Variants in SMIM10L2B observed in about 807,000 individuals in gnomAD.
SMIM10L2B encodes the protein small integral membrane protein 10 like 2B.
For synonymous variants in SMIM10L2B, 28 were observed against 30.0 expected (o/e 0.93, Z 0.22); for missense variants, 40 against 58.7 (o/e 0.68, Z 1.04).
At chrX:135,097,181 T>G (rs1396549624) in intron 1 of SMIM10L2B, 60 bp from the exon 2 acceptor site, 8 of 113,492 alleles carry the variant, frequency 7.0e-5, no homozygotes, top group Non-Finnish European at 1.5e-4. Context: ...ACGTCCTTGC[T>G]TCCCCCAGGA....
rs782113871 is a variant in SMIM10L2B at position 135,096,104 on chromosome X, C to G, written c.*1382G>C. On this transcript the variant is annotated 3_prime_UTR_variant, in exon 2 of 2. Coordinates refer to ENST00000433425, the MANE Select transcript of SMIM10L2B (RefSeq NM_001348255.2). Reference sequence around the variant, plus strand: ...TCCCAGGAACTGAGAATGTGGCCCTCAGGGTACCAGTGCAAGAGATGCGGA... The same window carrying G: ...TCCCAGGAACTGAGAATGTGGCCCTGAGGGTACCAGTGCAAGAGATGCGGA... 1 of 111,447 alleles carries G rather than the reference C, an allele frequency of 9.0e-6. No individual in the cohort carries two copies. Among genetic ancestry groups the G allele is most frequent in the Non-Finnish European group, 1.9e-5 (1 of 53,083 alleles). 9.2% of individuals were successfully genotyped at this position (111,447 alleles called of 1,213,427 possible).
rs782767035 is a variant in SMIM10L2B at position 135,098,047 on chromosome X, C to G, written c.*350G>C. 1 of 128,544 alleles carries G rather than the reference C, an allele frequency of 7.8e-6. No individual in the cohort carries two copies. The highest frequency in any genetic ancestry group is 3.2e-5 in the African/African-American group (1 of 31,641). The allele number at this position is 128,544 out of a possible 1,213,427, so 10.6% of individuals were successfully genotyped here. A position where few individuals can be genotyped will look rare whatever the true frequency, so the allele number is the denominator to read the frequency against. The stretch of plus-strand genomic sequence containing the variant: ...TCGCCTCCTACCTTTCTGCTCGGGG[C>G]GGGGAAAGTCAAGTCGCCGCAGCAG... On this transcript the variant is annotated 3_prime_UTR_variant, in exon 1 of 2. Transcript: ENST00000433425.
In SMIM10L2B at chrX:135,098,413, T is replaced by G; in HGVS notation, c.221A>C (p.Gln74Pro). 1 of 727,492 alleles carries G rather than the reference T, an allele frequency of 1.4e-6. No homozygotes were observed. The highest frequency in any genetic ancestry group is 1.9e-6 in the Non-Finnish European group (1 of 526,804). The allele number at this position is 727,492 out of a possible 1,213,427, so 60.0% of individuals were successfully genotyped here. The change falls in exon 1 of 2, where the codon CAA becomes CCA. Residue 74 changes from glutamine to proline, a missense_variant. Gln to Pro is a moderately conservative substitution (Grantham distance 76). Transcript: ENST00000433425. ...VASVMLNVRL[Q>P]VRIE ...CGCCGGCGCTCACTCGATCCGCACT[T>G]GCAGGCGGACGTTGAGCATCACCGA...
At position 135,095,581 on chromosome X, in the gene SMIM10L2B, A is replaced by G. The variant is rs2083444228; in HGVS notation, c.*1905T>C. On this transcript the variant is annotated 3_prime_UTR_variant, in exon 2 of 2. Coordinates refer to ENST00000433425, the MANE Select transcript of SMIM10L2B (RefSeq NM_001348255.2). ...CACCCCCCACTGTATCACACATGCA[A>G]TCAGCAAAGAACTTTCCTCCACCCT... 9.0e-6 allele frequency: 1 copy of G among 111,549 alleles called. No individual in the cohort carries two copies. The highest frequency in any genetic ancestry group is 2.8e-4 in the East Asian group (1 of 3,522). 9.2% of individuals were successfully genotyped at this position (111,549 alleles called of 1,213,427 possible).
rs1344350968 is a variant in SMIM10L2B, at chrX:135,096,765, A to C, written c.*721T>G. 9.0e-6 allele frequency: 1 copy of C among 111,451 alleles called. No homozygotes were observed. The highest frequency in any genetic ancestry group is 2.9e-4 in the East Asian group (1 of 3,505). The allele number at this position is 111,451 out of a possible 1,213,427, so 9.2% of individuals were successfully genotyped here. A position where few individuals can be genotyped will look rare whatever the true frequency, so the allele number is the denominator to read the frequency against. ...AGCCTGCAGGCCCAGGGGCACACGC[A>C]GTTCCTCCTCATCCTATCTGCATGT... On this transcript the variant is annotated 3_prime_UTR_variant, in exon 2 of 2. Transcript: ENST00000433425.
Position 135,098,328 on chromosome X carries a change from G to A in SMIM10L2B, c.*69C>T, listed in dbSNP as rs2083455535. On this transcript the variant is annotated 3_prime_UTR_variant, in exon 1 of 2. Coordinates refer to ENST00000433425, the MANE Select transcript of SMIM10L2B (RefSeq NM_001348255.2). ...CAGCTGTCCTTCATGCCCGCGACCCGGCCGGGGGCGGGCGGGGACACTGTC... is the reference window on the plus strand; with the variant it reads ...CAGCTGTCCTTCATGCCCGCGACCCAGCCGGGGGCGGGCGGGGACACTGTC... The A allele has an allele frequency of 6.6e-6, 2 of 302,495 alleles. No homozygotes were observed. The highest frequency in any genetic ancestry group is 1.3e-4 in the Admixed American group (2 of 15,604). The allele number at this position is 302,495 out of a possible 1,213,427, so 24.9% of individuals were successfully genotyped here. A position where few individuals can be genotyped will look rare whatever the true frequency, so the allele number is the denominator to read the frequency against.
rs2083444803 is a variant in SMIM10L2B, at chrX:135,095,783, G to C, written c.*1703C>G. 8.9e-6 allele frequency: 1 copy of C among 112,135 alleles called. No homozygotes were observed. The highest frequency in any genetic ancestry group is 1.9e-5 in the Non-Finnish European group (1 of 53,231). 9.2% of individuals were successfully genotyped at this position (112,135 alleles called of 1,213,427 possible). On this transcript the variant is annotated 3_prime_UTR_variant, in exon 2 of 2. Transcript: ENST00000433425. ...GCTGCCCCCAGAGATCTGTTGGGGG[G>C]ACCAGCAGGCTGACAGGCCCCCAGA...
chrX:135,096,223 C>G lies in SMIM10L2B; in HGVS notation c.*1263G>C, dbSNP rs1401708889. 1 of 110,897 alleles carries G rather than the reference C, an allele frequency of 9.0e-6. No individual in the cohort carries two copies. The highest frequency in any genetic ancestry group is 3.8e-4 in the South Asian group (1 of 2,606). The allele number at this position is 110,897 out of a possible 1,213,427, so 9.1% of individuals were successfully genotyped here. A position where few individuals can be genotyped will look rare whatever the true frequency, so the allele number is the denominator to read the frequency against. On this transcript the variant is annotated 3_prime_UTR_variant, in exon 2 of 2. Coordinates refer to ENST00000433425, the MANE Select transcript of SMIM10L2B (RefSeq NM_001348255.2). ...CACCAGTTAGCAGCACAACCGGGGG[C>G]CCCCAGGACCAATCCAAGCCGTGAG...
chrX:135,096,818 C>T lies in SMIM10L2B; in HGVS notation c.*668G>A, dbSNP rs1569479988. 1 of 112,070 alleles carries T rather than the reference C, an allele frequency of 8.9e-6. No homozygotes were observed. Among genetic ancestry groups the T allele is most frequent in the Non-Finnish European group, 1.9e-5 (1 of 53,095 alleles). 9.2% of individuals were successfully genotyped at this position (112,070 alleles called of 1,213,427 possible). On this transcript the variant is annotated 3_prime_UTR_variant, in exon 2 of 2. Transcript: ENST00000433425. ...AGGGCAAATCCCCCCCTCCCCGAAGCCTCGGTTTCCTCTGTCATTAGGAGG... is the reference window on the plus strand; with the variant it reads ...AGGGCAAATCCCCCCCTCCCCGAAGTCTCGGTTTCCTCTGTCATTAGGAGG...
At chrX:135,097,784 G>A (rs2083452552) in intron 1 of SMIM10L2B, among the ~76,000 whole-genome samples, 1 of 112,306 alleles carries the variant, frequency 8.9e-6, no homozygotes, top group South Asian at 3.7e-4. Flanking sequence ...CACCCTGGGG[G>A]CCTCTGCGGA....
At chrX:135,097,761 A>G (rs1231800397) in intron 1 of SMIM10L2B, among the ~76,000 whole-genome samples, 4 of 112,265 alleles carry the variant, frequency 3.6e-5, no homozygotes, top group Non-Finnish European at 7.5e-5. Flanking sequence ...TCCATTCCCC[A>G]GGTTTCAGTG....
Position 135,098,559 on chromosome X carries a change from G to A in SMIM10L2B, c.75C>T (p.Arg25=). ...ALSGLAVRLS[R]SAAARGSYGA... Reference sequence around the variant, plus strand: ...CGTATGAGCCTCGGGCCGCCGCCGAGCGCGACAGCCGAACCGCCAAGCCAG... The same window carrying A: ...CGTATGAGCCTCGGGCCGCCGCCGAACGCGACAGCCGAACCGCCAAGCCAG... The change falls in exon 1 of 2, where the codon CGC becomes CGT. Residue 25 remains arginine, a synonymous_variant. Transcript: ENST00000433425. The A allele has an allele frequency of 2.3e-6, 2 of 875,652 alleles. No individual in the cohort carries two copies. The highest frequency in any genetic ancestry group is 3.0e-5 in the South Asian group (1 of 33,204). 72.2% of individuals were successfully genotyped at this position (875,652 alleles called of 1,213,427 possible).
intron 1 of SMIM10L2B, among the ~76,000 whole-genome samples, chrX:135,097,532 A>C (rs1467688089): frequency 8.9e-6 from 1 of 112,178 alleles, no homozygotes; most frequent in East Asian, 2.8e-4. Context: ...GGGAGAGACC[A>C]GTCCTCTGGC....
At position 135,098,580 on chromosome X, in the gene SMIM10L2B, G is replaced by T. The variant is rs1457898453; in HGVS notation, c.54C>A (p.Gly18=). 20 of 696,619 alleles carry T rather than the reference G, an allele frequency of 2.9e-5. No homozygotes were observed. The highest frequency in any genetic ancestry group is 1.2e-4 in the Admixed American group (3 of 24,575). The allele number at this position is 696,619 out of a possible 1,213,427, so 57.4% of individuals were successfully genotyped here. Residue 18 remains glycine (G), a synonymous_variant, in exon 1 of 2, where the codon GGC becomes GGA. Coordinates refer to ENST00000433425, the MANE Select transcript of SMIM10L2B (RefSeq NM_001348255.2). ...CCGAGCGCGACAGCCGAACCGCCAAGCCAGACAGGGCTGCCGCCGCCGCCG... is the reference window on the plus strand; with the variant it reads ...CCGAGCGCGACAGCCGAACCGCCAATCCAGACAGGGCTGCCGCCGCCGCCG... ...SAAAAAAALS[G]LAVRLSRSAA...
rs2083454544 is a variant in SMIM10L2B at position 135,098,170 on chromosome X, A to T, written c.*227T>A. The stretch of plus-strand genomic sequence containing the variant: ...GGAGCCCAATTGTAGGGGCCTGTTC[A>T]GTGCATTTCTGCGCGATCCGGGGTC... On this transcript the variant is annotated 3_prime_UTR_variant, in exon 1 of 2. Transcript: ENST00000433425. 4.1e-6 allele frequency: 1 copy of T among 241,727 alleles called. No individual in the cohort carries two copies. The highest frequency in any genetic ancestry group is 7.4e-6 in the Non-Finnish European group (1 of 135,123). The allele number at this position is 241,727 out of a possible 1,213,427, so 19.9% of individuals were successfully genotyped here.
Position 135,098,238 on chromosome X carries a change from C to T in SMIM10L2B, c.*159G>A. ...CCAGGGCCAGGGCTGGGCCTTCGTG[C>T]CCGGGCGGCGTAGGTCTAGAGTCCA... is the stretch of plus-strand genomic sequence containing the variant. On this transcript the variant is annotated 3_prime_UTR_variant, in exon 1 of 2. Transcript: ENST00000433425. The T allele has an allele frequency of 3.8e-6, 1 of 265,950 alleles. No individual in the cohort carries two copies. Among genetic ancestry groups the T allele is most frequent in the Non-Finnish European group, 6.6e-6 (1 of 150,607 alleles). 21.9% of individuals were successfully genotyped at this position (265,950 alleles called of 1,213,427 possible).
intron 1 of SMIM10L2B, 49 bp from the exon 2 acceptor site, chrX:135,097,170 T>C (rs782691924): frequency 3.5e-5 from 4 of 113,595 alleles, no homozygotes; most frequent in South Asian, 7.1e-4. Context: ...GGCCACCAGA[T>C]ACGTCCTTGC....
rs1556398110 is a variant in SMIM10L2B at position 135,096,752 on chromosome X, C to G, written c.*734G>C. On this transcript the variant is annotated 3_prime_UTR_variant, in exon 2 of 2. Transcript: ENST00000433425. ...GGAGGGGTGTGGGAGCCTGCAGGCCCAGGGGCACACGCAGTTCCTCCTCAT... is the reference window on the plus strand; with the variant it reads ...GGAGGGGTGTGGGAGCCTGCAGGCCGAGGGGCACACGCAGTTCCTCCTCAT... The G allele has an allele frequency of 9.0e-6, 1 of 111,623 alleles. No homozygotes were observed. The highest frequency in any genetic ancestry group is 1.9e-5 in the Non-Finnish European group (1 of 52,988). 9.2% of individuals were successfully genotyped at this position (111,623 alleles called of 1,213,427 possible). A position where few individuals can be genotyped will look rare whatever the true frequency, so the allele number is the denominator to read the frequency against.
In SMIM10L2B at chrX:135,096,002, G is replaced by T. The variant is rs1556397938; in HGVS notation, c.*1484C>A. 3 of 111,907 alleles carry T rather than the reference G, an allele frequency of 2.7e-5. No individual in the cohort carries two copies. The highest frequency in any genetic ancestry group is 3.8e-5 in the Non-Finnish European group (2 of 53,168). The allele number at this position is 111,907 out of a possible 1,213,427, so 9.2% of individuals were successfully genotyped here. Reference sequence around the variant, plus strand: ...GCTTCATTCAGGACCTGGGTCCAGTGGCCTGCTGAGGAGGGTACGTGGTAG... The same window carrying T: ...GCTTCATTCAGGACCTGGGTCCAGTTGCCTGCTGAGGAGGGTACGTGGTAG... On this transcript the variant is annotated 3_prime_UTR_variant, in exon 2 of 2. Transcript: ENST00000433425.
Sources: gnomAD v4.1 joint callset for allele counts (sites outside exome capture counted in the v4.1 genomes callset) on GRCh38, gnomAD v4.1.1 for gene constraint, MANE v1.5 for transcripts, NCBI Gene and HGNC (gene_info 2026-07-23, HGNC 2026-07-21) for gene names.